The following SSH1 variants were observed in gnomAD, a reference collection of about 807,000 sequenced individuals.
SSH1 encodes slingshot protein phosphatase 1, also known as protein phosphatase Slingshot homolog 1.
A neutral mutation model predicts 79.7 loss-of-function variants in SSH1; 43 were observed. The observed-to-expected ratio is 0.54, with a 90% confidence interval of 0.42 to 0.70. The LOEUF (loss-of-function observed/expected upper bound fraction) is 0.70. SSH1 is among the 30% of genes least tolerant of loss of function. The pLI, the probability that SSH1 is intolerant of heterozygous loss-of-function variation, is 0.00. For missense variants in SSH1, 1,206 were observed against 1,358.8 expected, an observed-to-expected ratio of 0.89 and a Z score of 1.77; for synonymous variants, 599 against 538.3, an observed-to-expected ratio of 1.11 and a Z score of -1.56.
intron 10 of SSH1, 24 bp downstream of exon 10, chr12:108,805,032 T>C: frequency 3.7e-6 from 6 of 1,613,556 alleles, no homozygotes; most frequent in Non-Finnish European, 3.4e-6. Flanking sequence ...CCAAACCAGA[T>C]ACTGCCAGGG....
intron 1 of SSH1, among the ~76,000 whole-genome samples, chr12:108,856,083 G>C (rs1471073988): frequency 6.6e-6 from 1 of 152,250 alleles, no homozygotes; most frequent in Non-Finnish European, 1.5e-5. Context: ...GAAGAGCCCA[G>C]ATGCTGGCTG....
At chr12:108,802,422 T>C in intron 10 of SSH1, 54 bp from the exon 11 acceptor site, 1 of 1,557,322 alleles carries the variant, frequency 6.4e-7, no homozygotes, top group South Asian at 1.1e-5. Context: ...GCCTCAGAGC[T>C]GCTCAGGGGA....
At chr12:108,823,691 G>A (rs1347598910) in intron 2 of SSH1, among the ~76,000 whole-genome samples, 2 of 151,280 alleles carry the variant, frequency 1.3e-5, no homozygotes, top group African/African-American at 2.4e-5. Flanking sequence ...TTTTTGAGAC[G>A]CAGTTTCACT....
intron 14 of SSH1, among the ~76,000 whole-genome samples, chr12:108,790,447 G>A (rs2036455348): frequency 6.6e-6 from 1 of 152,144 alleles, no homozygotes; most frequent in Non-Finnish European, 1.5e-5. Flanking sequence ...ACCATGCCCA[G>A]CTAATTTTGT....
At chr12:108,805,019 C>T (rs760773673) in intron 10 of SSH1, 37 bp downstream of exon 10, 1 of 1,611,566 alleles carries the variant, frequency 6.2e-7, no homozygotes, top group Non-Finnish European at 8.5e-7. Context: ...TGATTTATGT[C>T]CCCCAAACCA....
chr12:108,809,295 A>G (rs1250082520), intron 7 of SSH1, among the ~76,000 whole-genome samples: 1 of 151,808 alleles, frequency 6.6e-6, no homozygotes, highest in Admixed American at 6.6e-5. Flanking sequence ...CTACAAAAAA[A>G]AAAATAGAAA....
Position 108,784,794 on chromosome 12 carries a change from G to T in SSH1, c.*3194C>A, listed in dbSNP as rs1035660289. 1 of 152,220 alleles carries T rather than the reference G, an allele frequency of 6.6e-6. No homozygotes were observed. Among genetic ancestry groups the T allele is most frequent in the Non-Finnish European group, 1.5e-5 (1 of 68,034 alleles). 9.4% of individuals were successfully genotyped at this position (152,220 alleles called of 1,614,324 possible). On this transcript the variant is annotated 3_prime_UTR_variant, in exon 15 of 15. Transcript: ENST00000326495. ...CCACATGAATTAATGTGAGGCAGAA[G>T]ATAAGATTCAGCTGTTTTTTATAAA...
chr12:108,816,716 T>G lies in SSH1; in HGVS notation c.401+322A>C, dbSNP rs145444091. ...TGGTTTGGCCTTCTGGGTTCGGCGT[T>G]GTTGTCACCTCCTTCAGGAAGCATT... On this transcript the variant is annotated intron_variant, in intron 5 of 14. Coordinates refer to ENST00000326495, the MANE Select transcript of SSH1 (RefSeq NM_018984.4). Among the ~76,000 whole-genome samples, 1,391 of 152,324 alleles carry G rather than the reference T, an allele frequency of 9.1e-3. 23 individuals are homozygous for G. The highest frequency in any genetic ancestry group is 0.032 in the African/African-American group (1,338 of 41,574).
At position 108,809,786 on chromosome 12, in the gene SSH1, A is replaced by G. The variant is rs749993340; in HGVS notation, c.471-28T>C. On this transcript the variant is annotated intron_variant, in intron 6 of 14. Coordinates refer to ENST00000326495, the MANE Select transcript of SSH1 (RefSeq NM_018984.4). Reference sequence around the variant, plus strand: ...GAGAATAAAACACAGAGAGAAAGGTATCTGTGGTGAGAAATCAGCGCCTTG... The same window carrying G: ...GAGAATAAAACACAGAGAGAAAGGTGTCTGTGGTGAGAAATCAGCGCCTTG... 6 of 1,593,410 alleles carry G rather than the reference A, an allele frequency of 3.8e-6. No homozygotes were observed. In the South Asian group the frequency reaches 5.5e-5, roughly 15 times the overall value.
intron 5 of SSH1, among the ~76,000 whole-genome samples, chr12:108,813,685 G>C (rs2037734940): frequency 7.1e-6 from 1 of 140,006 alleles, no homozygotes; most frequent in Non-Finnish European, 1.5e-5. Flanking sequence ...TCCAGCCTGG[G>C]TGACAGAGCG....
At position 108,809,833 on chromosome 12, in the gene SSH1, G is replaced by A. The variant is rs537943812; in HGVS notation, c.471-75C>T. 2.1e-5 allele frequency: 28 copies of A among 1,328,688 alleles called. No homozygotes were observed. The African/African-American group carries it at 3.6e-4, about 17-fold the overall frequency. The allele number at this position is 1,328,688 out of a possible 1,614,324, so 82.3% of individuals were successfully genotyped here. ...CTTGAGTGAAATCACTCTGGGAGGAGGGAGCCAAACCACTGCGCACGCTGG... is the reference window on the plus strand; with the variant it reads ...CTTGAGTGAAATCACTCTGGGAGGAAGGAGCCAAACCACTGCGCACGCTGG... On this transcript the variant is annotated intron_variant, in intron 6 of 14. Coordinates refer to ENST00000326495, the MANE Select transcript of SSH1 (RefSeq NM_018984.4).
rs2039168330 is a variant in SSH1 at position 108,857,456 on chromosome 12, G to A, written c.41C>T (p.Ala14Val). ...GCTGTTGCTGGCCGAGGAGGAGGCG[G>A]CGCTGGGCGTGGGCGAGCGCTGCAG... Reference protein sequence around the residue: ...VTLQRSPTPSAASSSASNSEL... With the variant: ...VTLQRSPTPSVASSSASNSEL... The change falls in exon 1 of 15, where the codon GCC becomes GTC. Residue 14 changes from alanine to valine, a missense_variant. Around this residue, in one of 5 missense-constraint regions of SSH1, gnomAD observed 100 missense variants for 82.3 expected, o/e 1.21. Transcript: ENST00000326495. This position sits in a 1 kb window ranked among gnomAD's most constrained non-coding sequence, Gnocchi z 4.7. 2 of 1,122,006 alleles carry A rather than the reference G, an allele frequency of 1.8e-6. No individual in the cohort carries two copies. The highest frequency in any genetic ancestry group is 1.9e-5 in the South Asian group (1 of 52,622). The allele number at this position is 1,122,006 out of a possible 1,614,324, so 69.5% of individuals were successfully genotyped here. A position where few individuals can be genotyped will look rare whatever the true frequency, so the allele number is the denominator to read the frequency against.
intron 2 of SSH1, among the ~76,000 whole-genome samples, chr12:108,828,622 C>T (rs576145195): frequency 6.6e-6 from 1 of 152,090 alleles, no homozygotes; most frequent in Non-Finnish European, 1.5e-5. Flanking sequence ...TCCAGGAAGA[C>T]GAGACTGTGC....
rs770497316 is a variant in SSH1 at position 108,792,297 on chromosome 12, T to C, written c.1882A>G (p.Asn628Asp). The change falls in exon 14 of 15, where the codon AAC becomes GAC. Residue 628 changes from asparagine to aspartate, a missense_variant. Asn to Asp is a conservative substitution (Grantham distance 23). Coordinates refer to ENST00000326495, the MANE Select transcript of SSH1 (RefSeq NM_018984.4). ...LNNNSKRSCP[N>D]GMEDDAIFGI... Reference sequence around the variant, plus strand: ...CGGGCTCTGCCTACCTCCATGCCGTTGGGACAGCTCCTCTTGCTGTTGTTG... The same window carrying C: ...CGGGCTCTGCCTACCTCCATGCCGTCGGGACAGCTCCTCTTGCTGTTGTTG... 1 of 1,614,184 alleles carries C rather than the reference T, an allele frequency of 6.2e-7. No homozygotes were observed. Among genetic ancestry groups the C allele is most frequent in the South Asian group, 1.1e-5 (1 of 91,084 alleles).
rs377160276 is a variant in SSH1, at chr12:108,795,708, A to T, written c.1350-2879T>A. Among the ~76,000 whole-genome samples, 13 of 151,988 alleles carry T rather than the reference A, an allele frequency of 8.6e-5. No homozygotes were observed. The East Asian group carries it at 9.7e-4, about 11-fold the overall frequency. On this transcript the variant is annotated intron_variant, in intron 13 of 14. Coordinates refer to ENST00000326495, the MANE Select transcript of SSH1 (RefSeq NM_018984.4). ...TTTTCTCTACAGAAAAAAATATAAA[A>T]AATTAACCGGGTATTGTGGTGCGCA...
rs1042047364 is a variant in SSH1 at position 108,778,804 on chromosome 12, CTTTTAT to C, written c.*9178_*9183del. The C allele has an allele frequency of 1.4e-4, 21 of 152,818 alleles. No individual in the cohort carries two copies. The highest frequency in any genetic ancestry group is 2.9e-3 in the Middle Eastern group (2 of 700). 9.5% of individuals were successfully genotyped at this position (152,818 alleles called of 1,614,324 possible). ...GTGGGATAATTTGTCTTTTTAAAAT[CTTTTAT>C]TTTTATTTGTTTTTGAGACACGGTC... is the stretch of plus-strand genomic sequence containing the variant. On this transcript the variant is annotated 3_prime_UTR_variant, in exon 15 of 15. Transcript: ENST00000326495.
intron 2 of SSH1, 115 bp from the exon 3 acceptor site, chr12:108,823,476 T>C (rs2038202501): frequency 3.6e-6 from 3 of 832,192 alleles, no homozygotes; most frequent in Non-Finnish European, 4.0e-6. Context: ...AAAATGCAAA[T>C]AGGATGAAAC....
intron 2 of SSH1, among the ~76,000 whole-genome samples, chr12:108,830,870 C>T (rs906071711): frequency 1.3e-5 from 2 of 152,004 alleles, no homozygotes; most frequent in African/African-American, 4.8e-5. Flanking sequence ...GTCTCCAACT[C>T]CTGAGCTCAA....
At chr12:108,801,102 C>T (rs924570726) in intron 11 of SSH1, among the ~76,000 whole-genome samples, 176 bp from the exon 12 acceptor site, 3 of 152,088 alleles carry the variant, frequency 2.0e-5, no homozygotes, top group African/African-American at 7.2e-5. Context: ...TTTCTAAATG[C>T]CCTCTCAATG....
Sources: gnomAD v4.1 joint callset for allele counts (sites outside exome capture counted in the v4.1 genomes callset) on GRCh38, gnomAD v4.1.1 for gene constraint, gnomAD v4.1.1 regional missense constraint, Gnocchi (gnomAD v3.1) non-coding constraint, MANE v1.5 for transcripts, NCBI Gene and HGNC (gene_info 2026-07-23, HGNC 2026-07-21) for gene names.